PRMT2: variants seen among roughly 807,000 people sequenced by gnomAD.
PRMT2 encodes the protein protein arginine N-methyltransferase 2.
Under a neutral mutation model 57.6 loss-of-function variants are expected in PRMT2, and 26 were observed. The ratio of observed to expected loss-of-function variants is 0.45; its 90% CI spans 0.33 to 0.63. PRMT2 has a LOEUF of 0.63. PRMT2 is among the 20% of genes least tolerant of loss of function. The probability of loss-of-function intolerance (pLI) is 0.02; values close to 1 mark genes in which losing one functional copy is unlikely to be tolerated. For missense variants in PRMT2, 472 were observed against 564.4 expected (o/e 0.84, Z 1.66); for synonymous variants, 219 against 220.0 (o/e 1.00, Z 0.04).
At chr21:46,652,046 C>T (rs1009449647) in intron 7 of PRMT2, 1 of 1,611,238 alleles carries the variant, frequency 6.2e-7, no homozygotes, top group East Asian at 2.2e-5. Context: ...GAGAAGAGTG[C>T]ATGTGCGTTT....
rs1408063425 is a variant in PRMT2, at chr21:46,659,756, C to T, written c.830+836C>T. ...GAGCCTCCCACCTGAGTGTTCCTCC[C>T]GGCACTGGAAGCCAGTGGCCGTCCA... On this transcript the variant is annotated intron_variant, in intron 8 of 11. Coordinates refer to ENST00000355680, the MANE Select transcript of PRMT2 (RefSeq NM_206962.4). The T allele has an allele frequency of 6.1e-6, 6 of 985,272 alleles. No homozygotes were observed. The Admixed American group carries it at 1.8e-4, about 30-fold the overall frequency. 61.0% of individuals were successfully genotyped at this position (985,272 alleles called of 1,614,324 possible).
intron 3 of PRMT2, among the ~76,000 whole-genome samples, chr21:46,639,245 G>A (rs946528291): frequency 6.6e-6 from 1 of 152,038 alleles, no homozygotes; most frequent in Non-Finnish European, 1.5e-5. Flanking sequence ...ATTTATTCAG[G>A]CTTGCTTTAT....
At position 46,651,856 on chromosome 21, in the gene PRMT2, C is replaced by T. The variant is rs754939439; in HGVS notation, c.654+2117C>T. The stretch of plus-strand genomic sequence containing the variant: ...TTCTCCCCTGCACCTGTGCGTCTGG[C>T]CCTCTTCACGTCCTCCTGGCCTGCT... On this transcript the variant is annotated intron_variant, in intron 7 of 11. Transcript: ENST00000355680. 5.6e-6 allele frequency: 9 copies of T among 1,612,988 alleles called. No homozygotes were observed. In the South Asian group the frequency reaches 9.9e-5, roughly 18 times the overall value.
Position 46,649,279 on chromosome 21 carries a change from T to C in PRMT2, c.490-296T>C, listed in dbSNP as rs749502406. On this transcript the variant is annotated intron_variant, in intron 6 of 11. Coordinates refer to ENST00000355680, the MANE Select transcript of PRMT2 (RefSeq NM_206962.4). This position sits in a 1 kb window ranked among gnomAD's most constrained non-coding sequence, Gnocchi z 4.8. ...AAGAAGTTGCTGTGCTGGTCATGGA[T>C]TAAGATTGCTGTGCGTGTGGCAGCC... 6.6e-6 allele frequency among the ~76,000 whole-genome samples: 1 copy of C among 152,164 alleles called. No homozygotes were observed. Among genetic ancestry groups the C allele is most frequent in the Non-Finnish European group, 1.5e-5 (1 of 68,030 alleles).
In PRMT2 at chr21:46,648,312, G is replaced by A; in HGVS notation, c.328-146G>A. ...AAATACCAATGAGATTAACTTGGTT[G>A]ACAGTGATGTCCAGGCCTTCCATAG... is the stretch of plus-strand genomic sequence containing the variant. On this transcript the variant is annotated intron_variant, in intron 5 of 11. Transcript: ENST00000355680. This position sits in a 1 kb window ranked among gnomAD's most constrained non-coding sequence, Gnocchi z 4.8. 1.4e-6 allele frequency: 1 copy of A among 726,704 alleles called. No individual in the cohort carries two copies. Among genetic ancestry groups the A allele is most frequent in the South Asian group, 1.9e-5 (1 of 52,230 alleles). The allele number at this position is 726,704 out of a possible 1,614,324, so 45.0% of individuals were successfully genotyped here.
rs141966298 is a variant in PRMT2 at position 46,646,317 on chromosome 21, A to G, written c.327+1829A>G. Among the ~76,000 whole-genome samples the G allele has an allele frequency of 2.0e-5, 3 of 152,320 alleles. No homozygotes were observed. The East Asian group carries it at 5.8e-4, about 29-fold the overall frequency. ...TGTCTGTACATGGTTAGTGATTTCT[A>G]TCCGTTAAGGAAAGATACATAATGA... On this transcript the variant is annotated intron_variant, in intron 5 of 11. Transcript: ENST00000355680.
intron 7 of PRMT2, chr21:46,654,000 T>C (rs1235445583): frequency 4.0e-6 from 4 of 998,770 alleles, no homozygotes; most frequent in Non-Finnish European, 4.8e-6. Context: ...GCAGCATAGT[T>C]AATCAGCAGC....
intron 7 of PRMT2, chr21:46,651,849 C>T (rs753649912): frequency 2.0e-5 from 33 of 1,612,938 alleles, no homozygotes; most frequent in African/African-American, 5.3e-5. Context: ...TGCACCTGTG[C>T]GTCTGGCCCT....
At chr21:46,659,138 A>C in intron 8 of PRMT2, 5 of 1,270,728 alleles carry the variant, frequency 3.9e-6, no homozygotes, top group Non-Finnish European at 5.0e-6. Flanking sequence ...CAAGGAACAA[A>C]AATTTTCGTA....
chr21:46,646,668 T>C (rs1014661670), intron 5 of PRMT2, among the ~76,000 whole-genome samples: 9 of 152,208 alleles, frequency 5.9e-5, no homozygotes, highest in Non-Finnish European at 1.2e-4. Context: ...TGGAGTCCTG[T>C]ATAATCCTGT....
At chr21:46,639,917 G>T (rs533869439) in intron 3 of PRMT2, among the ~76,000 whole-genome samples, 16 of 152,104 alleles carry the variant, frequency 1.1e-4, no homozygotes, top group Middle Eastern at 3.4e-3. Context: ...TTTGCTGTTT[G>T]TTTTATGTTT....
chr21:46,655,885 T>G (rs1569161202), intron 7 of PRMT2, among the ~76,000 whole-genome samples: 1 of 152,176 alleles, frequency 6.6e-6, no homozygotes, highest in African/African-American at 2.4e-5. Flanking sequence ...TCTGTAGACT[T>G]AATAAAATTC....
At chr21:46,651,360 G>C (rs2061448150) in intron 7 of PRMT2, among the ~76,000 whole-genome samples, 1 of 152,174 alleles carries the variant, frequency 6.6e-6, no homozygotes, top group Non-Finnish European at 1.5e-5. Context: ...GCCCTGGGGA[G>C]GGTGGACATC....
chr21:46,652,759 A>G (rs2061479690), intron 7 of PRMT2: 2 of 1,157,550 alleles, frequency 1.7e-6, no homozygotes, highest in Non-Finnish European at 2.2e-6. Context: ...AAGATACCAC[A>G]GGTGTCCTAG....
rs568124579 is a variant in PRMT2 at position 46,650,032 on chromosome 21, G to T, written c.654+293G>T. 2.8e-4 allele frequency: 371 copies of T among 1,335,418 alleles called. 4 individuals are homozygous for T. In the South Asian group the frequency reaches 5.2e-3, roughly 19 times the overall value. 82.7% of individuals were successfully genotyped at this position (1,335,418 alleles called of 1,614,324 possible). ...ATCTGTAAAAATCCTGTGCCTAACA[G>T]GTAAGGCTGTTTCTTTAATGCCAGT... On this transcript the variant is annotated intron_variant, in intron 7 of 11. Transcript: ENST00000355680.
At position 46,643,545 on chromosome 21, in the gene PRMT2, C is replaced by T. The variant is rs781096968; in HGVS notation, c.50C>T (p.Pro17Leu). Residue 17 changes from proline (P) to leucine (L), a missense_variant, in exon 4 of 12, where the codon CCT becomes CTT. This residue lies in a region of PRMT2 where 243 missense variants were observed against 347.2 expected (regional missense o/e 0.70). Transcript: ENST00000355680. ...CPRSESQGEE[P>L]AECSEAGLLQ... is the part of the protein sequence containing the mutation. ...CTTGGCTTTGAGCAGGGAGAAGAGC[C>T]TGCTGAGTGCAGTGAGGCCGGTCTC... The T allele has an allele frequency of 1.3e-6, 2 of 1,595,390 alleles. No individual in the cohort carries two copies. The highest frequency in any genetic ancestry group is 1.7e-6 in the Non-Finnish European group (2 of 1,172,802).
rs1179140932 is a variant in PRMT2, at chr21:46,658,918, G to A, written c.828G>A (p.Leu276=). The part of the protein sequence containing the change: ...DNAYEFNLSA[L]KSLAVKEFFS... ...CGTACGAGTTCAACCTCAGCGCTCTGAAGTAAGTGTCCACAGCTGGGACTG... is the reference window on the plus strand; with the variant it reads ...CGTACGAGTTCAACCTCAGCGCTCTAAAGTAAGTGTCCACAGCTGGGACTG... Residue 276 remains leucine (L), a splice_region_variant and synonymous_variant, in exon 8 of 12, where the codon CTG becomes CTA. Coordinates refer to ENST00000355680, the MANE Select transcript of PRMT2 (RefSeq NM_206962.4). 1 of 1,612,598 alleles carries A rather than the reference G, an allele frequency of 6.2e-7. No individual in the cohort carries two copies. The highest frequency in any genetic ancestry group is 8.5e-7 in the Non-Finnish European group (1 of 1,178,850).
chr21:46,662,182 G>A (rs558949736), intron 10 of PRMT2, among the ~76,000 whole-genome samples: 33 of 152,256 alleles, frequency 2.2e-4, no homozygotes, highest in African/African-American at 7.9e-4. Flanking sequence ...GCGTCCCTCC[G>A]ACAACAGCCC....
intron 7 of PRMT2, chr21:46,653,921 C>T: frequency 6.9e-6 from 7 of 1,008,232 alleles, no homozygotes; most frequent in Non-Finnish European, 8.3e-6. Flanking sequence ...AAATGACAGC[C>T]TTTTTTCTTT....
Sources: gnomAD v4.1 joint callset for allele counts (sites outside exome capture counted in the v4.1 genomes callset) on GRCh38, gnomAD v4.1.1 for gene constraint, gnomAD v4.1.1 regional missense constraint, Gnocchi (gnomAD v3.1) non-coding constraint, MANE v1.5 for transcripts, NCBI Gene and HGNC (gene_info 2026-07-23, HGNC 2026-07-21) for gene names.